Variants in SLC24A2 observed in about 807,000 individuals in gnomAD.
SLC24A2 encodes solute carrier family 24 member 2.
SLC24A2 carries 36 observed loss-of-function variants against 62.0 expected under a neutral mutation model. The observed-to-expected ratio is 0.58, with a 90% CI of 0.44 to 0.77. The LOEUF (loss-of-function observed/expected upper bound fraction) is 0.77. Ranked by LOEUF, SLC24A2 falls within the 30% of genes least tolerant of loss-of-function variation. SLC24A2 has a pLI of 0.00. For synonymous variants in SLC24A2, 358 were observed against 294.0 expected, an observed-to-expected ratio of 1.22 and a Z score of -2.23; for missense variants, 846 against 817.9, an observed-to-expected ratio of 1.03 and a Z score of -0.42.
the SLC24A2 span, among the ~76,000 whole-genome samples, chr9:20,157,353 A>T: frequency 7.3e-5 from 11 of 151,684 alleles, no homozygotes; most frequent in African/African-American, 2.7e-4. Context: ...TAATTTTAAA[A>T]TTTCTACAGA....
chr9:20,205,659 A>C, the SLC24A2 span, among the ~76,000 whole-genome samples: 2 of 150,938 alleles, frequency 1.3e-5, no homozygotes, highest in African/African-American at 4.9e-5. Context: ...TAAAAAAAAA[A>C]AAAAAAAAAA....
intron 2 of SLC24A2, among the ~76,000 whole-genome samples, chr9:19,636,286 C>CCTTTCCT (rs1818314054): frequency 1.1e-5 from 1 of 88,086 alleles, no homozygotes; most frequent in African/African-American, 4.9e-5. Flanking sequence ...CTCTTCTTCT[C>CCTTTCCT]TTCTTTTCTT....
chr9:19,828,782 A>T, the SLC24A2 span, among the ~76,000 whole-genome samples: 1 of 152,180 alleles, frequency 6.6e-6, no homozygotes. Flanking sequence ...AGGGGAGGAG[A>T]TGTTGGCAAG....
the SLC24A2 span, among the ~76,000 whole-genome samples, chr9:19,949,539 A>C: frequency 5.3e-5 from 8 of 152,342 alleles, no homozygotes; most frequent in Non-Finnish European, 1.2e-4. Flanking sequence ...TTTGAAAAAA[A>C]ATCACTTAAG....
At chr9:20,163,635 A>G in the SLC24A2 span, among the ~76,000 whole-genome samples, 1,281 of 152,242 alleles carry the variant, frequency 8.4e-3, 12 homozygotes, top group African/African-American at 0.028. Context: ...AAACTACTTT[A>G]AAGTTCATAT....
At chr9:19,759,905 A>T (rs1279014769) in intron 2 of SLC24A2, among the ~76,000 whole-genome samples, 1 of 152,174 alleles carries the variant, frequency 6.6e-6, no homozygotes, top group Non-Finnish European at 1.5e-5. Context: ...GTTAAAAAAT[A>T]ATGTGGCCTT....
intron 2 of SLC24A2, among the ~76,000 whole-genome samples, chr9:19,758,193 A>G (rs560244918): frequency 6.6e-5 from 10 of 152,338 alleles, no homozygotes; most frequent in Admixed American, 1.3e-4. Context: ...TATATAAAAC[A>G]GGAAAAACTG....
At chr9:20,306,466 A>G in the SLC24A2 span, among the ~76,000 whole-genome samples, 1 of 152,214 alleles carries the variant, frequency 6.6e-6, no homozygotes, top group African/African-American at 2.4e-5. Context: ...AAATAGAGAA[A>G]GACCCAAAGG....
At chr9:19,891,123 A>G in the SLC24A2 span, among the ~76,000 whole-genome samples, 2 of 152,274 alleles carry the variant, frequency 1.3e-5, no homozygotes, top group South Asian at 4.1e-4. Flanking sequence ...ATATGTGCTG[A>G]ATCTTACCTG....
At chr9:19,824,085 A>G in the SLC24A2 span, among the ~76,000 whole-genome samples, 24 of 152,150 alleles carry the variant, frequency 1.6e-4, no homozygotes, top group African/African-American at 5.5e-4. Context: ...GAAAACCTAG[A>G]CAGTAATATT....
the SLC24A2 span, among the ~76,000 whole-genome samples, chr9:20,124,875 T>G: frequency 6.6e-6 from 1 of 152,200 alleles, no homozygotes; most frequent in Non-Finnish European, 1.5e-5. Context: ...AAGGGAAGAT[T>G]CATTTATTGA....
At chr9:19,878,565 G>A in the SLC24A2 span, among the ~76,000 whole-genome samples, 29 of 152,276 alleles carry the variant, frequency 1.9e-4, no homozygotes, top group African/African-American at 6.7e-4. Context: ...GGTGGGGCCT[G>A]GTGGGAGGTG....
At chr9:19,619,736 G>T in intron 3 of SLC24A2, 44 bp from the exon 4 acceptor site, 1 of 1,427,488 alleles carries the variant, frequency 7.0e-7, no homozygotes, top group Non-Finnish European at 9.9e-7. Context: ...AGGAATGAAA[G>T]ACAAGTGCAT....
chr9:19,671,077 C>T (rs74305659), intron 2 of SLC24A2, among the ~76,000 whole-genome samples: 177 of 89,864 alleles, frequency 2.0e-3, no homozygotes, highest in East Asian at 8.9e-3. Context: ...CCAAACATCA[C>T]ATGTGAAGAA....
At chr9:19,664,177 G>A (rs1208732933) in intron 2 of SLC24A2, among the ~76,000 whole-genome samples, 1 of 152,186 alleles carries the variant, frequency 6.6e-6, no homozygotes, top group African/African-American at 2.4e-5. Context: ...GTGATAGTCT[G>A]TATATCCTGC....
intron 2 of SLC24A2, among the ~76,000 whole-genome samples, chr9:19,741,461 A>G (rs982022704): frequency 3.9e-5 from 6 of 152,302 alleles, no homozygotes; most frequent in Admixed American, 6.5e-5. Flanking sequence ...CAACACTCAC[A>G]TAACAGCCTC....
chr9:19,636,422 C>G, intron 2 of SLC24A2, among the ~76,000 whole-genome samples: 1 of 7,718 alleles, frequency 1.3e-4, no homozygotes, highest in East Asian at 0.013. Context: ...TTTCTTTCCT[C>G]TTCTCTTCTC....
At chr9:19,533,194 C>A (rs1399812009) in intron 8 of SLC24A2, among the ~76,000 whole-genome samples, 2 of 152,164 alleles carry the variant, frequency 1.3e-5, no homozygotes, top group Non-Finnish European at 2.9e-5. Flanking sequence ...CTTGTAATTA[C>A]TGTCAAGGTT....
At chr9:20,090,133 C>T in the SLC24A2 span, among the ~76,000 whole-genome samples, 2 of 152,114 alleles carry the variant, frequency 1.3e-5, no homozygotes, top group African/African-American at 2.4e-5. Flanking sequence ...TCTCCCATGG[C>T]TCCTACCCAC....
Sources: gnomAD v4.1 joint callset for allele counts (sites outside exome capture counted in the v4.1 genomes callset) on GRCh38, gnomAD v4.1.1 for gene constraint, MANE v1.5 for transcripts, NCBI Gene and HGNC (gene_info 2026-07-23, HGNC 2026-07-21) for gene names.